RNF152: variants seen among roughly 807,000 people sequenced by gnomAD.
The protein encoded by RNF152 is E3 ubiquitin-protein ligase RNF152.
Under a neutral mutation model 12.7 loss-of-function variants are expected in RNF152, and 11 were observed. The ratio of observed to expected loss-of-function variants is 0.86; its 90% CI spans 0.54 to 1.43. RNF152 has a LOEUF of 1.43. Ranked by LOEUF, RNF152 falls within the 40% of genes most tolerant of loss-of-function variation. RNF152 has a pLI of 0.00. For synonymous variants in RNF152, 113 were observed against 120.3 expected, an observed-to-expected ratio of 0.94 and a Z score of 0.40; for missense variants, 255 against 274.8, an observed-to-expected ratio of 0.93 and a Z score of 0.51.
rs905531251 is a variant in RNF152 at position 61,809,187 on chromosome 18, T to G, written c.*6665A>C. ...TGCCTGTCCCTTCACATAGACCCAG[T>G]GCTTCATGTCTCCCTTTCCCTCTCC... On this transcript the variant is annotated 3_prime_UTR_variant, in exon 2 of 2. Coordinates refer to ENST00000312828, the MANE Select transcript of RNF152 (RefSeq NM_173557.3). 1 of 152,162 alleles carries G rather than the reference T, an allele frequency of 6.6e-6. No homozygotes were observed. Among genetic ancestry groups the G allele is most frequent in the South Asian group, 2.1e-4 (1 of 4,818 alleles). 9.4% of individuals were successfully genotyped at this position (152,162 alleles called of 1,614,324 possible). A position where few individuals can be genotyped will look rare whatever the true frequency, so the allele number is the denominator to read the frequency against.
At chr18:61,853,974 A>ACTCAGTTGAAAAAAAG (rs1244298377) in intron 1 of RNF152, among the ~76,000 whole-genome samples, 1 of 152,046 alleles carries the variant, frequency 6.6e-6, no homozygotes, top group Non-Finnish European at 1.5e-5. Context: ...TCAACTGAGA[A>ACTCAGTTGAAAAAAAG]AACTCAGGCT....
At chr18:61,887,652 A>G (rs1290940435) in intron 1 of RNF152, among the ~76,000 whole-genome samples, 1 of 149,600 alleles carries the variant, frequency 6.7e-6, no homozygotes, top group South Asian at 2.1e-4. Flanking sequence ...GTGAGCTGAG[A>G]TCATGCCCCA....
chr18:61,823,283 G>C (rs1182322228), intron 1 of RNF152, among the ~76,000 whole-genome samples: 1 of 152,188 alleles, frequency 6.6e-6, no homozygotes, highest in Non-Finnish European at 1.5e-5. Flanking sequence ...TCCAGAAAGT[G>C]AAAATTGTCG....
At chr18:61,843,541 G>A (rs1910548627) in intron 1 of RNF152, among the ~76,000 whole-genome samples, 1 of 152,108 alleles carries the variant, frequency 6.6e-6, no homozygotes, top group African/African-American at 2.4e-5. Flanking sequence ...CTAAAACATG[G>A]GAAAATACCC....
At chr18:61,853,319 G>A (rs1400470585) in intron 1 of RNF152, among the ~76,000 whole-genome samples, 3 of 138,572 alleles carry the variant, frequency 2.2e-5, no homozygotes, top group African/African-American at 8.0e-5. Context: ...TTTTTTTGGA[G>A]ACAGGTTACC....
intron 1 of RNF152, among the ~76,000 whole-genome samples, chr18:61,876,966 T>C (rs779452187): frequency 4.6e-5 from 7 of 152,178 alleles, no homozygotes; most frequent in Non-Finnish European, 1.5e-5. Flanking sequence ...TCAAGCCAGA[T>C]TTGCTGTATT....
intron 1 of RNF152, among the ~76,000 whole-genome samples, chr18:61,879,913 C>T (rs993778136): frequency 1.3e-5 from 2 of 151,142 alleles, no homozygotes; most frequent in African/African-American, 4.9e-5. Flanking sequence ...TGCAGTGAGC[C>T]GAGATCCCGC....
chr18:61,863,732 G>T (rs1568285309), intron 1 of RNF152, among the ~76,000 whole-genome samples: 2 of 152,164 alleles, frequency 1.3e-5, no homozygotes, highest in South Asian at 4.1e-4. Context: ...GAGTGCTTGA[G>T]AGGTGGGGGC....
Position 61,808,398 on chromosome 18 carries a change from A to AAAAAAAAAAAAAAAAC in RNF152, c.*7453_*7454insGTTTTTTTTTTTTTTT. The AAAAAAAAAAAAAAAAC allele has an allele frequency of 6.7e-6, 1 of 150,296 alleles. No homozygotes were observed. Among genetic ancestry groups the AAAAAAAAAAAAAAAAC allele is most frequent in the African/African-American group, 2.4e-5 (1 of 41,210 alleles). 9.3% of individuals were successfully genotyped at this position (150,296 alleles called of 1,614,324 possible). A position where few individuals can be genotyped will look rare whatever the true frequency, so the allele number is the denominator to read the frequency against. ...GGCTATTTGGCCCTTAAAAAAAAAAAAAAAAAAAAAAAAAGCTCCTAAAAT... is the reference window on the plus strand; with the variant it reads ...GGCTATTTGGCCCTTAAAAAAAAAAAAAAAAAAAAAAAAAACAAAAAAAAAAAAAAGCTCCTAAAAT... On this transcript the variant is annotated 3_prime_UTR_variant, in exon 2 of 2. Coordinates refer to ENST00000312828, the MANE Select transcript of RNF152 (RefSeq NM_173557.3).
intron 1 of RNF152, among the ~76,000 whole-genome samples, chr18:61,886,066 C>T (rs1912686026): frequency 7.8e-6 from 1 of 127,614 alleles, no homozygotes; most frequent in African/African-American, 3.0e-5. Context: ...TGAGTAACAA[C>T]TAATTTTGTT....
chr18:61,893,913 G>A (rs950209038), upstream of RNF152, among the ~76,000 whole-genome samples: 1 of 151,660 alleles, frequency 6.6e-6, no homozygotes, highest in Non-Finnish European at 1.5e-5. Flanking sequence ...CGCAACTCCC[G>A]GGACCACCTC....
At chr18:61,862,329 C>T (rs576435398) in intron 1 of RNF152, among the ~76,000 whole-genome samples, 13 of 152,232 alleles carry the variant, frequency 8.5e-5, no homozygotes, top group African/African-American at 2.4e-4. Context: ...ATTTCACACA[C>T]GAGGAAACTA....
At chr18:61,877,336 T>C (rs1349226509) in intron 1 of RNF152, among the ~76,000 whole-genome samples, 1 of 152,210 alleles carries the variant, frequency 6.6e-6, no homozygotes, top group Non-Finnish European at 1.5e-5. Context: ...CACTAATCCA[T>C]GGCATTCAGC....
At chr18:61,872,065 G>A (rs1161533065) in intron 1 of RNF152, among the ~76,000 whole-genome samples, 1 of 152,118 alleles carries the variant, frequency 6.6e-6, no homozygotes, top group Non-Finnish European at 1.5e-5. Context: ...CTCGGCTCTG[G>A]GGAGGCCTCA....
At chr18:61,832,484 A>G (rs956083321) in intron 1 of RNF152, among the ~76,000 whole-genome samples, 2 of 152,322 alleles carry the variant, frequency 1.3e-5, no homozygotes, top group East Asian at 3.9e-4. Flanking sequence ...ATATTTCCCA[A>G]ATAGCTACGC....
chr18:61,820,157 G>A (rs1404109320), intron 1 of RNF152, among the ~76,000 whole-genome samples: 7 of 149,600 alleles, frequency 4.7e-5, no homozygotes, highest in South Asian at 2.1e-4. Flanking sequence ...GTGAAACCCC[G>A]TCTCTACTAA....
intron 1 of RNF152, among the ~76,000 whole-genome samples, chr18:61,875,770 T>C (rs892412728): frequency 2.0e-5 from 3 of 152,126 alleles, no homozygotes; most frequent in East Asian, 3.9e-4. Context: ...CTCTGAAATG[T>C]CTCTTGCATT....
chr18:61,840,194 C>T (rs1022377467), intron 1 of RNF152, among the ~76,000 whole-genome samples: 5 of 152,194 alleles, frequency 3.3e-5, no homozygotes, highest in African/African-American at 1.2e-4. Context: ...TGGGCTCTTA[C>T]CAGACACTGA....
rs781017884 is a variant in RNF152, at chr18:61,808,811, C to T, written c.*7041G>A. Reference sequence around the variant, plus strand: ...CTTGCATTCCATGGTTAAGAGGATTCTAGAGTCTGTCTGCACTGACGTGGC... The same window carrying T: ...CTTGCATTCCATGGTTAAGAGGATTTTAGAGTCTGTCTGCACTGACGTGGC... On this transcript the variant is annotated 3_prime_UTR_variant, in exon 2 of 2. Transcript: ENST00000312828. The T allele has an allele frequency of 1.2e-4, 19 of 152,352 alleles. No homozygotes were observed. Among genetic ancestry groups the T allele is most frequent in the Non-Finnish European group, 2.5e-4 (17 of 68,048 alleles). 9.4% of individuals were successfully genotyped at this position (152,352 alleles called of 1,614,324 possible). A position where few individuals can be genotyped will look rare whatever the true frequency, so the allele number is the denominator to read the frequency against.
Sources: allele counts gnomAD v4.1 joint callset (sites outside exome capture counted in the v4.1 genomes callset), GRCh38; gene constraint gnomAD v4.1.1; transcripts MANE v1.5; gene names NCBI Gene and HGNC (gene_info 2026-07-23, HGNC 2026-07-21).